GABRB2: variants seen among roughly 807,000 people sequenced by gnomAD.
The protein encoded by GABRB2 is gamma-aminobutyric acid receptor subunit beta-2.
Under a neutral mutation model 54.7 loss-of-function variants are expected in GABRB2, and 16 were observed. That is an observed-to-expected ratio of 0.29 (90% CI 0.20 to 0.44). GABRB2 has a LOEUF of 0.44. Ranked by LOEUF, GABRB2 falls within the 20% of genes least tolerant of loss-of-function variation. The pLI, the probability that GABRB2 is intolerant of heterozygous loss-of-function variation, is 1.00. For missense variants in GABRB2, 355 were observed against 644.0 expected, an observed-to-expected ratio of 0.55 and a Z score of 4.86; for synonymous variants, 244 against 233.8, an observed-to-expected ratio of 1.04 and a Z score of -0.40.
intron 3 of GABRB2, among the ~76,000 whole-genome samples, chr5:161,509,058 G>A (rs1451050348): frequency 6.6e-6 from 1 of 151,798 alleles, no homozygotes; most frequent in Non-Finnish European, 1.5e-5. Flanking sequence ...AAGAAATGAG[G>A]CAACACTACA....
chr5:161,447,143 C>A (rs1757657472), intron 4 of GABRB2, among the ~76,000 whole-genome samples: 1 of 152,062 alleles, frequency 6.6e-6, no homozygotes, highest in Admixed American at 6.6e-5. Flanking sequence ...CCTCAGTAAT[C>A]CTACAAGATA....
At chr5:161,422,532 G>C (rs772494982) in intron 4 of GABRB2, among the ~76,000 whole-genome samples, 17 of 152,080 alleles carry the variant, frequency 1.1e-4, no homozygotes, top group Non-Finnish European at 2.1e-4. Context: ...TATTTAAAAA[G>C]GTTTATTAAG....
chr5:161,439,095 G>A (rs1436397702), intron 4 of GABRB2, among the ~76,000 whole-genome samples: 1 of 152,052 alleles, frequency 6.6e-6, no homozygotes, highest in Admixed American at 6.6e-5. Flanking sequence ...CTAATTCAAG[G>A]CATTTAATAA....
intron 3 of GABRB2, among the ~76,000 whole-genome samples, chr5:161,467,313 G>A (rs1013596184): frequency 1.3e-5 from 2 of 152,016 alleles, no homozygotes; most frequent in Non-Finnish European, 2.9e-5. Context: ...CTTGTTGAAA[G>A]AACAACTGTG....
chr5:161,547,740 C>G (rs916047682), upstream of GABRB2: 3 of 152,292 alleles, frequency 2.0e-5, no homozygotes, highest in Non-Finnish European at 4.4e-5. Flanking sequence ...GTGCGGGGGA[C>G]TGGAGGGCGT....
At chr5:161,526,989 G>A (rs17463280) in intron 3 of GABRB2, among the ~76,000 whole-genome samples, 41,926 of 151,056 alleles carry the variant, frequency 0.28, 6,264 homozygotes, top group Admixed American at 0.4. Context: ...CAAAAATAGG[G>A]GTAGCATTTT....
intron 5 of GABRB2, among the ~76,000 whole-genome samples, chr5:161,340,637 TATA>T (rs1754129801): frequency 6.6e-6 from 1 of 151,224 alleles, no homozygotes; most frequent in South Asian, 2.1e-4. Context: ...GCAACACTAA[TATA>T]ATAATAATGG....
chr5:161,509,388 A>C (rs1044764010), intron 3 of GABRB2, among the ~76,000 whole-genome samples: 1 of 151,880 alleles, frequency 6.6e-6, no homozygotes, highest in African/African-American at 2.4e-5. Flanking sequence ...AGCACTTCCC[A>C]CATTGGGAGC....
chr5:161,352,643 A>C (rs1276886255), intron 5 of GABRB2, among the ~76,000 whole-genome samples: 1 of 152,024 alleles, frequency 6.6e-6, no homozygotes, highest in Non-Finnish European at 1.5e-5. Flanking sequence ...CCCACATTGT[A>C]GCTATAGTTA....
At position 161,326,391 on chromosome 5, in the gene GABRB2, T is replaced by C. The variant is rs1026621473; in HGVS notation, c.1168A>G (p.Asn390Asp). Reference sequence around the variant, plus strand: ...ACCGTATACAGAGAGAAATCGTAATTGGTAGTCCGTCTAGTTGGGGAGAGG... The same window carrying C: ...ACCGTATACAGAGAGAAATCGTAATCGGTAGTCCGTCTAGTTGGGGAGAGG... Reference protein sequence around the residue: ...GNLSPTRRTTNYDFSLYTMDP... With the variant: ...GNLSPTRRTTDYDFSLYTMDP... Residue 390 changes from asparagine to aspartate, a missense_variant, in exon 9 of 10, where the codon AAT becomes GAT. Asn to Asp is a conservative substitution (Grantham distance 23, BLOSUM62 1). Transcript: ENST00000393959. 1 of 1,613,634 alleles carries C rather than the reference T, an allele frequency of 6.2e-7. No individual in the cohort carries two copies. The highest frequency in any genetic ancestry group is 1.7e-5 in the Admixed American group (1 of 59,998).
At chr5:161,300,310 T>C (rs1190663745) in intron 9 of GABRB2, among the ~76,000 whole-genome samples, 3 of 152,216 alleles carry the variant, frequency 2.0e-5, no homozygotes. Flanking sequence ...CTTTTTCTCC[T>C]TTGAAATATC....
chr5:161,333,003 G>T (rs1055654979), intron 7 of GABRB2, among the ~76,000 whole-genome samples: 61 of 152,132 alleles, frequency 4.0e-4, no homozygotes, highest in Admixed American at 6.5e-5. Flanking sequence ...TTCAACTACG[G>T]ATGATCCTGT....
intron 3 of GABRB2, among the ~76,000 whole-genome samples, chr5:161,467,107 A>G (rs1047465079): frequency 6.6e-6 from 1 of 152,064 alleles, no homozygotes; most frequent in Non-Finnish European, 1.5e-5. Context: ...TGTCCATTAG[A>G]ACTACACTTT....
intron 3 of GABRB2, among the ~76,000 whole-genome samples, chr5:161,488,399 C>T (rs1758991548): frequency 6.6e-6 from 1 of 151,644 alleles, no homozygotes; most frequent in African/African-American, 2.4e-5. Context: ...TGCTATTTCT[C>T]TCACTGTGGT....
intron 3 of GABRB2, among the ~76,000 whole-genome samples, chr5:161,530,046 G>A (rs1760409348): frequency 6.6e-6 from 1 of 151,882 alleles, no homozygotes; most frequent in Non-Finnish European, 1.5e-5. Flanking sequence ...CTCCCTCTCT[G>A]GATCCCTCTG....
intron 9 of GABRB2, among the ~76,000 whole-genome samples, chr5:161,294,725 G>C (rs1289628225): frequency 4.6e-5 from 7 of 152,188 alleles, no homozygotes. Flanking sequence ...GGCACGCAGA[G>C]AAATCGAAGG....
At chr5:161,409,427 T>C (rs1756442252) in intron 5 of GABRB2, among the ~76,000 whole-genome samples, 1 of 152,138 alleles carries the variant, frequency 6.6e-6, no homozygotes, top group African/African-American at 2.4e-5. Flanking sequence ...ACTTGGGTGT[T>C]GCCTGCATAA....
chr5:161,432,458 G>C (rs1209724052), intron 4 of GABRB2, among the ~76,000 whole-genome samples: 1 of 152,108 alleles, frequency 6.6e-6, no homozygotes, highest in African/African-American at 2.4e-5. Flanking sequence ...CAGTGCAAAG[G>C]ACAATCAAAT....
At chr5:161,345,649 C>T (rs1302706400) in intron 5 of GABRB2, among the ~76,000 whole-genome samples, 1 of 152,062 alleles carries the variant, frequency 6.6e-6, no homozygotes, top group Non-Finnish European at 1.5e-5. Context: ...TCCCAAGACA[C>T]TATCTTGGTT....
Sources: gnomAD v4.1 joint callset for allele counts (sites outside exome capture counted in the v4.1 genomes callset) on GRCh38, gnomAD v4.1.1 for gene constraint, MANE v1.5 for transcripts, NCBI Gene and HGNC (gene_info 2026-07-23, HGNC 2026-07-21) for gene names.